Variants in PKHD1L1 observed in about 807,000 individuals in gnomAD.
PKHD1L1 encodes PKHD1 like 1.
A neutral mutation model predicts 462.9 loss-of-function variants in PKHD1L1; 434 were observed. The observed-to-expected ratio is 0.94, with a 90% CI of 0.87 to 1.02. The LOEUF is 1.02. Among genes scored for constraint, PKHD1L1 ranks in the 50% least tolerant of loss-of-function variants. The pLI is 0.00. For synonymous variants in PKHD1L1, 1,781 were observed against 1,750.0 expected (o/e 1.02, Z -0.44); for missense variants, 5,202 against 5,096.1 (o/e 1.02, Z -0.63).
chr8:109,520,508 A>G (rs1475474264), intron 73 of PKHD1L1, among the ~76,000 whole-genome samples: 2 of 152,172 alleles, frequency 1.3e-5, no homozygotes, highest in East Asian at 1.9e-4. Flanking sequence ...CCAGACAGGT[A>G]TAAGACCACT....
Position 109,431,061 on chromosome 8 carries a change from A to G in PKHD1L1, c.3229+1024A>G, listed in dbSNP as rs559435416. Among the ~76,000 whole-genome samples, 13 of 150,116 alleles carry G rather than the reference A, an allele frequency of 8.7e-5. No individual in the cohort carries two copies. The East Asian group carries it at 2.2e-3, about 25-fold the overall frequency. On this transcript the variant is annotated intron_variant, in intron 27 of 77. Coordinates refer to ENST00000378402, the MANE Select transcript of PKHD1L1 (RefSeq NM_177531.6). ...CAGCTCACTGCAACCTCCGCCTCCC[A>G]GGTTCAAGCGATTCTCCCACCTCAG... is the stretch of plus-strand genomic sequence containing the variant.
At chr8:109,419,320 A>C (rs1586471780) in intron 22 of PKHD1L1, 60 bp downstream of exon 22, 1 of 1,348,560 alleles carries the variant, frequency 7.4e-7, no homozygotes, top group East Asian at 2.5e-5. Context: ...TACCATGGAA[A>C]TTATTTTTAT....
intron 72 of PKHD1L1, among the ~76,000 whole-genome samples, chr8:109,515,745 A>C (rs917671173): frequency 6.6e-6 from 1 of 152,150 alleles, no homozygotes; most frequent in Non-Finnish European, 1.5e-5. Context: ...GAAGGTTGTG[A>C]AGTAAATATG....
At chr8:109,411,863 TTCTTTG>T (rs1250348643) in intron 19 of PKHD1L1, among the ~76,000 whole-genome samples, 1 of 152,194 alleles carries the variant, frequency 6.6e-6, no homozygotes, top group East Asian at 1.9e-4. Flanking sequence ...AATCATTGGC[TTCTTTG>T]TCTTAGACGG....
chr8:109,396,080 A>G lies in PKHD1L1; in HGVS notation c.865A>G (p.Thr289Ala), dbSNP rs974103943. ...AAGCATTCGAGGTGGCACCACGCTG[A>G]CAATAAGTGGGCGTTTCTTTGATCA... The part of the protein sequence containing the change: ...QGSIRGGTTL[T>A]ISGRFFDQTD... Residue 289 changes from threonine to alanine, a missense_variant, in exon 11 of 78, where the codon ACA becomes GCA. This residue lies in a region of PKHD1L1 where 4,497 missense variants were observed against 4,336.8 expected (regional missense o/e 1.04). Transcript: ENST00000378402. 3 of 1,609,670 alleles carry G rather than the reference A, an allele frequency of 1.9e-6. No individual in the cohort carries two copies. The highest frequency in any genetic ancestry group is 2.5e-6 in the Non-Finnish European group (3 of 1,178,208).
intron 19 of PKHD1L1, among the ~76,000 whole-genome samples, chr8:109,411,465 CTTCAT>C (rs948719962): frequency 1.3e-5 from 2 of 152,140 alleles, no homozygotes; most frequent in Non-Finnish European, 2.9e-5. Flanking sequence ...AACTTTTCAA[CTTCAT>C]TTAATAAGCA....
At chr8:109,384,895 T>A (rs1210457636) in intron 5 of PKHD1L1, among the ~76,000 whole-genome samples, 3 of 152,038 alleles carry the variant, frequency 2.0e-5, no homozygotes, top group African/African-American at 7.2e-5. Context: ...TTATTCACCA[T>A]TTTTCTTATT....
intron 3 of PKHD1L1, among the ~76,000 whole-genome samples, chr8:109,381,726 C>T (rs1414923194): frequency 6.6e-6 from 1 of 151,992 alleles, no homozygotes; most frequent in Non-Finnish European, 1.5e-5. Flanking sequence ...TATTCTATGT[C>T]TTTTCCCATG....
intron 73 of PKHD1L1, among the ~76,000 whole-genome samples, chr8:109,519,846 C>T (rs1467611539): frequency 6.6e-6 from 1 of 152,132 alleles, no homozygotes; most frequent in Admixed American, 6.6e-5. Flanking sequence ...TGCAGCCCCA[C>T]TAGGTTGGGA....
chr8:109,445,063 C>T lies in PKHD1L1; in HGVS notation c.5194C>T (p.Pro1732Ser), dbSNP rs374511591. The change falls in exon 38 of 78, where the codon CCT (proline) becomes TCT (serine). Residue 1732 changes from proline to serine, a missense_variant. Transcript: ENST00000378402. ...TGTAGATCTTCTAATACATGGAGTG[C>T]CTGCCCAGTGCCAGGGAAACTGCAC... is the stretch of plus-strand genomic sequence containing the variant. Reference protein sequence around the residue: ...VDVDLLIHGVPAQCQGNCTFS... With the variant: ...VDVDLLIHGVSAQCQGNCTFS... 332 of 1,613,734 alleles carry T rather than the reference C, an allele frequency of 2.1e-4. No individual in the cohort carries two copies. The highest frequency in any genetic ancestry group is 3.3e-4 in the Middle Eastern group (2 of 6,084).
chr8:109,486,598 G>A, intron 58 of PKHD1L1, 50 bp from the exon 59 acceptor site: 1 of 1,564,252 alleles, frequency 6.4e-7, no homozygotes, highest in Non-Finnish European at 8.7e-7. Context: ...AACTAGTAAA[G>A]ACAGATACTT....
At position 109,445,131 on chromosome 8, in the gene PKHD1L1, C is replaced by G; in HGVS notation, c.5262C>G (p.Val1754=). ...LESITPYITG[V]FPNSVIGSVK... Reference sequence around the variant, plus strand: ...GCATCACTCCTTACATAACAGGAGTCTTCCCAAACTCTGTCATAGGATCTG... The same window carrying G: ...GCATCACTCCTTACATAACAGGAGTGTTCCCAAACTCTGTCATAGGATCTG... The change falls in exon 38 of 78, where the codon GTC becomes GTG. Residue 1754 remains valine (V), a synonymous_variant. Coordinates refer to ENST00000378402, the MANE Select transcript of PKHD1L1 (RefSeq NM_177531.6). The G allele has an allele frequency of 1.2e-6, 2 of 1,613,902 alleles. No individual in the cohort carries two copies. The highest frequency in any genetic ancestry group is 1.1e-5 in the South Asian group (1 of 91,084).
chr8:109,446,915 C>A (rs552161803), intron 38 of PKHD1L1, among the ~76,000 whole-genome samples: 5 of 152,254 alleles, frequency 3.3e-5, no homozygotes, highest in Non-Finnish European at 5.9e-5. Flanking sequence ...GTAAAACTTT[C>A]TTTAGATTGT....
intron 2 of PKHD1L1, among the ~76,000 whole-genome samples, chr8:109,378,505 A>C (rs569564102): frequency 6.6e-6 from 1 of 152,320 alleles, no homozygotes; most frequent in Non-Finnish European, 1.5e-5. Context: ...CTTCTACTAA[A>C]AATGCACTTC....
intron 2 of PKHD1L1, among the ~76,000 whole-genome samples, chr8:109,373,194 T>A (rs928043909): frequency 2.3e-4 from 35 of 151,528 alleles, no homozygotes; most frequent in African/African-American, 7.3e-4. Flanking sequence ...CTGTTATTGG[T>A]CTATTCAGAG....
chr8:109,430,558 C>T (rs1229479676), intron 27 of PKHD1L1, among the ~76,000 whole-genome samples: 1 of 152,146 alleles, frequency 6.6e-6, no homozygotes, highest in Non-Finnish European at 1.5e-5. Context: ...GCCATTTCTT[C>T]ATAAATGGTA....
At position 109,438,972 on chromosome 8, in the gene PKHD1L1, G is replaced by T. The variant is rs867986792; in HGVS notation, c.3836G>T (p.Gly1279Val). ...CAAAACATGGCGGTGTATGTTGGAG[G>T]AAAAACCTGCCAGATTCTTCACTGG... ...LTQNMAVYVG[G>V]KTCQILHWNF... Residue 1279 changes from glycine to valine, a missense_variant, in exon 32 of 78, where the codon GGA (glycine) becomes GTA (valine). By Grantham distance (109) the Gly-to-Val change is moderately radical (BLOSUM62 -3). Around this residue, in one of 3 missense-constraint regions of PKHD1L1, gnomAD observed 4,497 missense variants for 4,336.8 expected, o/e 1.04. Coordinates refer to ENST00000378402, the MANE Select transcript of PKHD1L1 (RefSeq NM_177531.6). 1 of 1,613,582 alleles carries T rather than the reference G, an allele frequency of 6.2e-7. No individual in the cohort carries two copies. The highest frequency in any genetic ancestry group is 8.5e-7 in the Non-Finnish European group (1 of 1,179,664).
At chr8:109,388,204 A>G (rs957826454) in intron 6 of PKHD1L1, among the ~76,000 whole-genome samples, 1 of 152,118 alleles carries the variant, frequency 6.6e-6, no homozygotes, top group African/African-American at 2.4e-5. Flanking sequence ...CCTCTAACAC[A>G]CCAAATATGT....
At chr8:109,487,180 G>A (rs1382829327) in intron 59 of PKHD1L1, among the ~76,000 whole-genome samples, 1 of 151,924 alleles carries the variant, frequency 6.6e-6, no homozygotes, top group Non-Finnish European at 1.5e-5. Flanking sequence ...ACAGTATAAT[G>A]AATCCCAATG....
Sources: gnomAD v4.1 joint callset for allele counts (sites outside exome capture counted in the v4.1 genomes callset) on GRCh38, gnomAD v4.1.1 for gene constraint, gnomAD v4.1.1 regional missense constraint, MANE v1.5 for transcripts, NCBI Gene and HGNC (gene_info 2026-07-23, HGNC 2026-07-21) for gene names.